RBFOX3: variants seen among roughly 807,000 people sequenced by gnomAD.
The protein encoded by RBFOX3 is RNA binding protein fox-1 homolog 3.
A neutral mutation model predicts 48.7 loss-of-function variants in RBFOX3; 17 were observed. The ratio of observed to expected loss-of-function variants is 0.35; its 90% CI spans 0.24 to 0.52. The LOEUF is 0.52. Among genes scored for constraint, RBFOX3 ranks in the 20% least tolerant of loss-of-function variants. The pLI is 0.94. For missense variants in RBFOX3, 382 were observed against 497.5 expected, an observed-to-expected ratio of 0.77 and a Z score of 2.21; for synonymous variants, 212 against 209.5, an observed-to-expected ratio of 1.01 and a Z score of -0.10.
At chr17:79,120,212 C>A (rs1049573117) in intron 4 of RBFOX3, among the ~76,000 whole-genome samples, 1 of 152,200 alleles carries the variant, frequency 6.6e-6, no homozygotes, top group Non-Finnish European at 1.5e-5. Flanking sequence ...ACTTCACTCA[C>A]CCTTTGTCCC....
rs189032718 is a variant in RBFOX3, at chr17:79,215,991, C to T, written c.-34+19775G>A. On this transcript the variant is annotated intron_variant, in intron 4 of 14. Transcript: ENST00000693108. Reference sequence around the variant, plus strand: ...ACCCGATAGCCTTGCAAGCAGCGGACGCAGGGCTGGAGCTGATGGTCTTGG... The same window carrying T: ...ACCCGATAGCCTTGCAAGCAGCGGATGCAGGGCTGGAGCTGATGGTCTTGG... Among the ~76,000 whole-genome samples, 551 of 152,322 alleles carry T rather than the reference C, an allele frequency of 3.6e-3. 5 individuals carry two copies. The highest frequency in any genetic ancestry group is 0.012 in the African/African-American group (511 of 41,586).
chr17:79,472,793 C>T (rs35991306), intron 2 of RBFOX3, among the ~76,000 whole-genome samples: 44,640 of 152,142 alleles, frequency 0.29, 7,555 homozygotes, highest in Admixed American at 0.39. Flanking sequence ...CTTATTCAAA[C>T]GTGACAAGTT....
intron 2 of RBFOX3, among the ~76,000 whole-genome samples, chr17:79,369,187 G>T (rs1266548821): frequency 6.6e-6 from 1 of 152,150 alleles, no homozygotes; most frequent in East Asian, 1.9e-4. Context: ...GGCAACTCTG[G>T]GTGGGGAGGG....
At chr17:79,226,698 G>A (rs1266250578) in intron 4 of RBFOX3, among the ~76,000 whole-genome samples, 1 of 152,222 alleles carries the variant, frequency 6.6e-6, no homozygotes, top group Non-Finnish European at 1.5e-5. Flanking sequence ...TTTTGGTAGA[G>A]TGGGGATGGC....
intron 4 of RBFOX3, among the ~76,000 whole-genome samples, chr17:79,157,401 C>T (rs1039233668): frequency 2.4e-4 from 37 of 152,316 alleles, no homozygotes; most frequent in Non-Finnish European, 2.6e-4. Flanking sequence ...AGCTTCTCCC[C>T]GTAAGGCCCC....
chr17:79,504,036 GGGTGCTCC>G (rs2082736166), intron 1 of RBFOX3, among the ~76,000 whole-genome samples: 1 of 150,094 alleles, frequency 6.7e-6, no homozygotes, highest in Non-Finnish European at 1.5e-5. Context: ...CCAGGTGGCA[GGGTGCTCC>G]AGGTGGCAGG....
chr17:79,663,146 A>G, the RBFOX3 span, among the ~76,000 whole-genome samples: 1 of 152,234 alleles, frequency 6.6e-6, no homozygotes, highest in Non-Finnish European at 1.5e-5. Flanking sequence ...CATGGCTGTC[A>G]ACACCGCAAA....
At chr17:79,228,677 G>C (rs1600119056) in intron 4 of RBFOX3, among the ~76,000 whole-genome samples, 1 of 152,194 alleles carries the variant, frequency 6.6e-6, no homozygotes, top group African/African-American at 2.4e-5. Context: ...CCCTGACGTG[G>C]AGCAAAGCAG....
intron 4 of RBFOX3, among the ~76,000 whole-genome samples, chr17:79,231,473 C>A (rs1422767520): frequency 2.0e-5 from 3 of 152,086 alleles, no homozygotes; most frequent in Non-Finnish European, 2.9e-5. Flanking sequence ...ATAAATACAG[C>A]CCTGGGCATA....
rs144683921 is a variant in RBFOX3, at chr17:79,452,779, G to A, written c.-175+29675C>T. Among the ~76,000 whole-genome samples the A allele has an allele frequency of 5.0e-3, 764 of 152,280 alleles. 9 individuals are homozygous for A. Among genetic ancestry groups the A allele is most frequent in the African/African-American group, 0.017 (711 of 41,552 alleles). The stretch of plus-strand genomic sequence containing the variant: ...CTGCCATCAGTGGAGAAGCAGGCCC[G>A]GCAGGGTCAGGAAAGGTGAAGGAGG... On this transcript the variant is annotated intron_variant, in intron 2 of 14. Coordinates refer to ENST00000693108, the MANE Select transcript of RBFOX3 (RefSeq NM_001350451.2).
intron 3 of RBFOX3, among the ~76,000 whole-genome samples, chr17:79,300,577 G>A (rs1263386463): frequency 6.6e-6 from 1 of 152,242 alleles, no homozygotes; most frequent in Non-Finnish European, 1.5e-5. Context: ...AGATCTACCA[G>A]TCAGTCAGTG....
At chr17:79,192,404 A>G (rs1239617298) in intron 4 of RBFOX3, among the ~76,000 whole-genome samples, 1 of 152,154 alleles carries the variant, frequency 6.6e-6, no homozygotes, top group East Asian at 1.9e-4. Flanking sequence ...CAGAGACTGT[A>G]TTTAAGGCAG....
chr17:79,256,060 T>A (rs547089497), intron 3 of RBFOX3, among the ~76,000 whole-genome samples: 1 of 151,814 alleles, frequency 6.6e-6, no homozygotes, highest in Non-Finnish European at 1.5e-5. Context: ...CCAACTTCCC[T>A]GGTGCGGACG....
Position 79,601,412 on chromosome 17 carries a change from CAGG to C in RBFOX3, c.-320+9411_-320+9413del, listed in dbSNP as rs1279813320. 3.9e-5 allele frequency: 6 copies of C among 152,412 alleles called. No individual in the cohort carries two copies. In the East Asian group the frequency reaches 1.2e-3, roughly 29 times the overall value. 9.4% of individuals were successfully genotyped at this position (152,412 alleles called of 1,614,324 possible). A position where few individuals can be genotyped will look rare whatever the true frequency, so the allele number is the denominator to read the frequency against. ...TGTGGCCGGGAGAACAGAGCTGGTC[CAGG>C]AGGTTTAGCCACAAGCTCCAAAGCA... On this transcript the variant is annotated intron_variant, in intron 1 of 14. Transcript: ENST00000693108.
At chr17:79,340,322 A>AAAAAAAAAAC (rs1234763088) in intron 2 of RBFOX3, among the ~76,000 whole-genome samples, 17 of 144,106 alleles carry the variant, frequency 1.2e-4, no homozygotes, top group South Asian at 2.2e-4. Flanking sequence ...AAAAACAAAA[A>AAAAAAAAAAC]CAAAACTCTC....
chr17:79,259,272 G>A (rs12450030), intron 3 of RBFOX3, among the ~76,000 whole-genome samples: 15,550 of 152,246 alleles, frequency 0.1, 1,162 homozygotes, highest in South Asian at 0.22. Context: ...TCCTCGGGTC[G>A]AGGGTGGAGC....
Position 79,473,239 on chromosome 17 carries a change from A to C in RBFOX3, c.-175+9215T>G, listed in dbSNP as rs182539392. On this transcript the variant is annotated intron_variant, in intron 2 of 14. Transcript: ENST00000693108. The surrounding 1 kb of genome is among the most constrained non-coding windows in gnomAD (Gnocchi z 4.2). The stretch of plus-strand genomic sequence containing the variant: ...ACCTCACGGGCTGGCACCCATCCAC[A>C]GACCTCACTTTGAGTAGCTGAGATA... Among the ~76,000 whole-genome samples the C allele has an allele frequency of 9.2e-5, 14 of 152,356 alleles. No individual in the cohort carries two copies. The South Asian group carries it at 2.1e-3, about 23-fold the overall frequency.
chr17:79,465,257 A>G (rs773441235), intron 2 of RBFOX3, among the ~76,000 whole-genome samples: 20 of 152,334 alleles, frequency 1.3e-4, no homozygotes, highest in Non-Finnish European at 7.3e-5. Flanking sequence ...TTCAGGCCAC[A>G]TAGAAACCAG....
At position 79,095,504 on chromosome 17, in the gene RBFOX3, C is replaced by T. The variant is rs79080598; in HGVS notation, c.998+9G>A. On this transcript the variant is annotated intron_variant, in intron 13 of 14. Transcript: ENST00000693108. The stretch of plus-strand genomic sequence containing the variant: ...CCTGCTCCAGAACAGTGCTGGCCCC[C>T]GGCCTCACCTGTCGCTGTAGGCTGC... The T allele has an allele frequency of 1.5e-5, 24 of 1,550,396 alleles. No homozygotes were observed. The highest frequency in any genetic ancestry group is 8.3e-5 in the South Asian group (7 of 83,916).
Sources: gnomAD v4.1 joint callset for allele counts (sites outside exome capture counted in the v4.1 genomes callset) on GRCh38, gnomAD v4.1.1 for gene constraint, Gnocchi (gnomAD v3.1) non-coding constraint, MANE v1.5 for transcripts, NCBI Gene and HGNC (gene_info 2026-07-23, HGNC 2026-07-21) for gene names.